Variants in AKAP13 observed in about 807,000 individuals in gnomAD.
AKAP13 encodes the protein A-kinase anchoring protein 13, also known as A-kinase anchor protein 13.
AKAP13 carries 80 observed loss-of-function variants against 264.5 expected under a neutral mutation model. That is an observed-to-expected ratio of 0.30 (90% CI 0.25 to 0.36). AKAP13 has a LOEUF of 0.36. Among genes scored for constraint, AKAP13 ranks in the 10% least tolerant of loss-of-function variants. The pLI, the probability that AKAP13 is intolerant of heterozygous loss-of-function variation, is 1.00. For synonymous variants in AKAP13, 1,380 were observed against 1,250.2 expected (o/e 1.10, Z -2.19); for missense variants, 3,712 against 3,435.2 (o/e 1.08, Z -2.01).
chr15:85,481,741 C>T (rs1423671785), intron 1 of AKAP13, among the ~76,000 whole-genome samples: 1 of 152,184 alleles, frequency 6.6e-6, no homozygotes, highest in Admixed American at 6.5e-5. Flanking sequence ...CTCCTCTTCA[C>T]AGTCTTTAAA....
At chr15:85,599,404 C>G (rs1216047147) in intron 8 of AKAP13, among the ~76,000 whole-genome samples, 2 of 152,192 alleles carry the variant, frequency 1.3e-5, no homozygotes, top group Non-Finnish European at 2.9e-5. Context: ...ATTGGCACAT[C>G]CCACCCGTCA....
chr15:85,457,200 G>A (rs531040034), intron 1 of AKAP13, among the ~76,000 whole-genome samples: 2 of 152,322 alleles, frequency 1.3e-5, no homozygotes, highest in African/African-American at 4.8e-5. Context: ...TAAGAGGCAT[G>A]TCTAAAATTC....
At chr15:85,506,523 T>C (rs892923793) in intron 2 of AKAP13, among the ~76,000 whole-genome samples, 1 of 122,998 alleles carries the variant, frequency 8.1e-6, no homozygotes, top group Non-Finnish European at 1.9e-5. Flanking sequence ...TATATACATA[T>C]AGGTATAATA....
chr15:85,627,315 A>C (rs900460567), intron 8 of AKAP13, among the ~76,000 whole-genome samples: 20 of 152,066 alleles, frequency 1.3e-4, no homozygotes, highest in African/African-American at 3.6e-4. Context: ...ATTTCTGTTC[A>C]TTGTGGATCT....
chr15:85,482,056 T>G (rs546662039), intron 1 of AKAP13, among the ~76,000 whole-genome samples: 1 of 152,374 alleles, frequency 6.6e-6, no homozygotes, highest in African/African-American at 2.4e-5. Context: ...TCCTGTAATA[T>G]GCTCCTCCCT....
chr15:85,411,806 C>A (rs917233965), intron 1 of AKAP13, among the ~76,000 whole-genome samples: 1 of 152,122 alleles, frequency 6.6e-6, no homozygotes, highest in African/African-American at 2.4e-5. Flanking sequence ...TGTGGTTATC[C>A]AGAAATTGGT....
chr15:85,581,458 A>G lies in AKAP13; in HGVS notation c.3390A>G (p.Leu1130=). 1.2e-6 allele frequency: 2 copies of G among 1,614,216 alleles called. No homozygotes were observed. Among genetic ancestry groups the G allele is most frequent in the South Asian group, 1.1e-5 (1 of 91,084 alleles). Residue 1130 remains leucine (L), a synonymous_variant, in exon 7 of 37, where the codon CTA becomes CTG. Transcript: ENST00000394518. ...VLLSQEKNAV[L]GLPVALQDKA... ...TGAGCCAAGAGAAGAATGCCGTTCTAGGTTTGCCAGTGGCTCTACAGGACA... is the reference window on the plus strand; with the variant it reads ...TGAGCCAAGAGAAGAATGCCGTTCTGGGTTTGCCAGTGGCTCTACAGGACA...
At chr15:85,480,260 C>T (rs142176930) in intron 1 of AKAP13, among the ~76,000 whole-genome samples, 87 of 152,264 alleles carry the variant, frequency 5.7e-4, no homozygotes, top group African/African-American at 1.9e-3. Context: ...ACCAGAAAGG[C>T]GTCTCTGAGT....
chr15:85,582,439 T>G (rs1365973709), intron 7 of AKAP13, among the ~76,000 whole-genome samples: 3 of 152,214 alleles, frequency 2.0e-5, no homozygotes, highest in Admixed American at 2.0e-4. Flanking sequence ...GCAGATGTTT[T>G]TATTCACATG....
intron 2 of AKAP13, among the ~76,000 whole-genome samples, chr15:85,488,776 ACT>A (rs1329303188): frequency 6.6e-6 from 1 of 152,154 alleles, no homozygotes. Flanking sequence ...CCACATAGAG[ACT>A]CTAGAAGGAA....
chr15:85,707,480 T>C lies in AKAP13; in HGVS notation c.5465-539T>C, dbSNP rs143449920. ...AGAATGGGGTGCAAAAAGCCCAGCGTAGTTAAGCTTTTCAGATTTTATATT... is the reference window on the plus strand; with the variant it reads ...AGAATGGGGTGCAAAAAGCCCAGCGCAGTTAAGCTTTTCAGATTTTATATT... On this transcript the variant is annotated intron_variant, in intron 17 of 36. Coordinates refer to ENST00000394518, the MANE Select transcript of AKAP13 (RefSeq NM_007200.5). Among the ~76,000 whole-genome samples the C allele has an allele frequency of 1.4e-3, 217 of 152,334 alleles. 1 individual carries two copies. The highest frequency in any genetic ancestry group is 5.0e-3 in the African/African-American group (209 of 41,576).
chr15:85,641,920 A>G (rs2082326750), intron 9 of AKAP13, among the ~76,000 whole-genome samples: 1 of 152,284 alleles, frequency 6.6e-6, no homozygotes, highest in African/African-American at 2.4e-5. Flanking sequence ...CCCTTCCCCA[A>G]CAACAGTTTG....
chr15:85,595,976 T>C (rs1046753088), intron 8 of AKAP13, among the ~76,000 whole-genome samples: 7 of 152,228 alleles, frequency 4.6e-5, no homozygotes, highest in Non-Finnish European at 1.0e-4. Flanking sequence ...GTGTGTGTTC[T>C]CCCTTCCTGC....
intron 1 of AKAP13, among the ~76,000 whole-genome samples, chr15:85,389,619 G>T (rs1181524516): frequency 1.3e-5 from 2 of 152,190 alleles, no homozygotes; most frequent in Non-Finnish European, 2.9e-5. Context: ...ATCTTTGGGG[G>T]TATAAATAAC....
chr15:85,534,826 C>G (rs1051044936), intron 4 of AKAP13: 8 of 152,154 alleles, frequency 5.3e-5, no homozygotes, highest in Non-Finnish European at 1.2e-4. Context: ...CCAATGACAT[C>G]TACTTGATGT....
intron 3 of AKAP13, among the ~76,000 whole-genome samples, chr15:85,523,561 T>G (rs1016183776): frequency 6.6e-6 from 1 of 152,176 alleles, no homozygotes; most frequent in South Asian, 2.1e-4. Context: ...ACTTTTCAAC[T>G]TCTCACATAT....
intron 1 of AKAP13, among the ~76,000 whole-genome samples, chr15:85,406,279 TGAGTGAA>T (rs2071657723): frequency 6.6e-6 from 1 of 152,246 alleles, no homozygotes; most frequent in Non-Finnish European, 1.5e-5. Context: ...TTTACCATCC[TGAGTGAA>T]GAGTGAAGGG....
chr15:85,447,919 T>C (rs2073954767), intron 1 of AKAP13, among the ~76,000 whole-genome samples: 1 of 152,248 alleles, frequency 6.6e-6, no homozygotes, highest in Non-Finnish European at 1.5e-5. Context: ...ATGGTAGTTC[T>C]GCTTTTAGCT....
chr15:85,640,938 C>T (rs1014515802), intron 9 of AKAP13, among the ~76,000 whole-genome samples: 5 of 152,244 alleles, frequency 3.3e-5, no homozygotes, highest in Admixed American at 6.5e-5. Flanking sequence ...TACACCCTAA[C>T]CCCAAGCATA....
Sources: allele counts gnomAD v4.1 joint callset (sites outside exome capture counted in the v4.1 genomes callset), GRCh38; gene constraint gnomAD v4.1.1; transcripts MANE v1.5; gene names NCBI Gene and HGNC (gene_info 2026-07-23, HGNC 2026-07-21).